LCA5: variants seen among roughly 807,000 people sequenced by gnomAD.
LCA5 encodes the protein lebercilin.
In LCA5, 37 loss-of-function variants were observed where a neutral mutation model predicts 53.0. The ratio of observed to expected loss-of-function variants is 0.70; its 90% CI spans 0.54 to 0.92. The LOEUF (loss-of-function observed/expected upper bound fraction) is 0.92. LCA5 is among the 40% of genes least tolerant of loss of function. The pLI is 0.00. For missense variants in LCA5, 806 were observed against 790.5 expected, an observed-to-expected ratio of 1.02 and a Z score of -0.23; for synonymous variants, 303 against 282.9, an observed-to-expected ratio of 1.07 and a Z score of -0.71.
intron 1 of LCA5, among the ~76,000 whole-genome samples, chr6:79,528,120 T>C (rs141056086): frequency 1.0e-3 from 152 of 152,232 alleles, no homozygotes; most frequent in African/African-American, 3.3e-3. Flanking sequence ...GGATAAAATA[T>C]CAATCCTGAA....
chr6:79,494,066 C>G (rs1041352292), intron 3 of LCA5, among the ~76,000 whole-genome samples: 2 of 152,052 alleles, frequency 1.3e-5, no homozygotes, highest in Admixed American at 1.3e-4. Context: ...GCCTAGACAA[C>G]AAAGCAAGAC....
intron 3 of LCA5, among the ~76,000 whole-genome samples, chr6:79,506,843 C>T (rs993753912): frequency 3.9e-5 from 6 of 152,164 alleles, no homozygotes; most frequent in African/African-American, 1.2e-4. Context: ...AACATATACA[C>T]GTTTGGAAAG....
intron 3 of LCA5, among the ~76,000 whole-genome samples, chr6:79,507,722 G>C (rs1010314335): frequency 1.3e-5 from 2 of 152,106 alleles, no homozygotes; most frequent in Non-Finnish European, 2.9e-5. Context: ...CTGTCCCGTG[G>C]AATGCTGGCC....
intron 2 of LCA5, among the ~76,000 whole-genome samples, chr6:79,514,205 G>A (rs1766357398): frequency 6.6e-6 from 1 of 152,138 alleles, no homozygotes; most frequent in African/African-American, 2.4e-5. Flanking sequence ...TTTTTCTAAT[G>A]ATCAGTGATG....
At chr6:79,515,608 AT>A (rs1289137817) in intron 2 of LCA5, among the ~76,000 whole-genome samples, 2 of 151,830 alleles carry the variant, frequency 1.3e-5, no homozygotes, top group African/African-American at 2.4e-5. Flanking sequence ...TGGTAACTGC[AT>A]TTTTTTTCCA....
intron 3 of LCA5, among the ~76,000 whole-genome samples, chr6:79,495,750 CAA>C (rs10637240): frequency 1.5e-4 from 11 of 73,758 alleles, no homozygotes; most frequent in Admixed American, 2.9e-4. Flanking sequence ...GACTCCATCT[CAA>C]AAAAAAAAAA....
chr6:79,509,478 T>C (rs1770355362), intron 3 of LCA5, among the ~76,000 whole-genome samples: 1 of 147,782 alleles, frequency 6.8e-6, no homozygotes, highest in African/African-American at 2.5e-5. Context: ...AAAAAGTAGG[T>C]TCATAATAAC....
At chr6:79,522,719 C>T (rs1474783213) in intron 1 of LCA5, among the ~76,000 whole-genome samples, 2 of 152,048 alleles carry the variant, frequency 1.3e-5, no homozygotes, top group East Asian at 3.9e-4. Flanking sequence ...CAGAGTTTTG[C>T]TCTGTTGCCT....
intron 3 of LCA5, among the ~76,000 whole-genome samples, chr6:79,506,367 G>A (rs749575638): frequency 3.9e-5 from 6 of 152,062 alleles, no homozygotes; most frequent in Non-Finnish European, 8.8e-5. Flanking sequence ...ATGCTTAGAA[G>A]ACAGTTTCCC....
intron 3 of LCA5, among the ~76,000 whole-genome samples, chr6:79,499,188 G>C (rs879437291): frequency 2.5e-4 from 38 of 151,934 alleles, no homozygotes; most frequent in Admixed American, 2.5e-3. Flanking sequence ...GATCCAGAAG[G>C]ATACATACTA....
chr6:79,496,089 A>G (rs750905592), intron 3 of LCA5, among the ~76,000 whole-genome samples: 3 of 152,234 alleles, frequency 2.0e-5, no homozygotes, highest in Non-Finnish European at 4.4e-5. Context: ...CAATGCTTCA[A>G]TATCGTAAGT....
rs151017794 is a variant in LCA5 at position 79,493,708 on chromosome 6, G to A, written c.763C>T (p.Arg255Ter). ...CTTTTCCTTTCAGCAAGCAACTGTC[G>A]TTGGAAACTGTTAGTACTCAGTTCA... is the stretch of plus-strand genomic sequence containing the variant. ...NLELSTNSFQRQLLAERKRAY... is the reference protein window; with the variant it reads ...NLELSTNSFQ Residue 255 changes from arginine (R) to a stop codon, truncating the protein, a stop_gained, in exon 4 of 8, where the codon CGA becomes TGA. Transcript: ENST00000369846. LOFTEE classifies it high-confidence loss of function. The A allele has an allele frequency of 6.2e-6, 10 of 1,613,164 alleles. No individual in the cohort carries two copies. Among genetic ancestry groups the A allele is most frequent in the Admixed American group, 3.3e-5 (2 of 59,952 alleles).
intron 3 of LCA5, among the ~76,000 whole-genome samples, chr6:79,507,689 T>C (rs1353740759): frequency 1.3e-5 from 2 of 152,110 alleles, no homozygotes; most frequent in African/African-American, 2.4e-5. Context: ...TCCTTACCTG[T>C]GAGGAACATC....
intron 1 of LCA5, among the ~76,000 whole-genome samples, chr6:79,527,040 A>T (rs1299731357): frequency 1.3e-5 from 2 of 152,110 alleles, no homozygotes; most frequent in African/African-American, 4.8e-5. Flanking sequence ...CAGCCTCATG[A>T]TTTCCACTTC....
chr6:79,494,473 C>CT (rs1325636348), intron 3 of LCA5, among the ~76,000 whole-genome samples: 5 of 151,556 alleles, frequency 3.3e-5, no homozygotes, highest in Admixed American at 2.0e-4. Context: ...AACTTGCGGG[C>CT]TTTTTTTAAA....
intron 3 of LCA5, among the ~76,000 whole-genome samples, chr6:79,510,969 G>T (rs1025858299): frequency 8.6e-5 from 13 of 151,258 alleles, no homozygotes; most frequent in African/African-American, 2.9e-4. Flanking sequence ...CTACTGACGG[G>T]ACAATAAAAA....
At chr6:79,498,683 A>T (rs1182116045) in intron 3 of LCA5, among the ~76,000 whole-genome samples, 1 of 152,084 alleles carries the variant, frequency 6.6e-6, no homozygotes, top group Non-Finnish European at 1.5e-5. Context: ...ATGGTAAACT[A>T]AAAAATACTA....
At chr6:79,510,778 G>C (rs982945248) in intron 3 of LCA5, among the ~76,000 whole-genome samples, 13 of 152,068 alleles carry the variant, frequency 8.5e-5, no homozygotes, top group African/African-American at 2.7e-4. Flanking sequence ...GCAGAAAAAT[G>C]CACAGATCTA....
intron 6 of LCA5, among the ~76,000 whole-genome samples, 167 bp downstream of exon 6, chr6:79,491,421 A>C (rs1030765639): frequency 1.3e-5 from 2 of 152,184 alleles, no homozygotes; most frequent in Non-Finnish European, 2.9e-5. Context: ...TAAAAGCCAA[A>C]GGAATTTTAC....
Sources: gnomAD v4.1 joint callset for allele counts (sites outside exome capture counted in the v4.1 genomes callset) on GRCh38, gnomAD v4.1.1 for gene constraint, MANE v1.5 for transcripts, NCBI Gene and HGNC (gene_info 2026-07-23, HGNC 2026-07-21) for gene names.